The following PCDH9 variants were observed in gnomAD, a reference collection of about 807,000 sequenced individuals.
PCDH9 encodes protocadherin-9.
A neutral mutation model predicts 70.6 loss-of-function variants in PCDH9; 24 were observed. The ratio of observed to expected loss-of-function variants is 0.34; its 90% confidence interval spans 0.25 to 0.48. The LOEUF (loss-of-function observed/expected upper bound fraction) is 0.48. Among genes scored for constraint, PCDH9 ranks in the 20% least tolerant of loss-of-function variants. PCDH9 has a pLI of 0.99. For synonymous variants in PCDH9, 562 were observed against 558.5 expected (o/e 1.01, Z -0.09); for missense variants, 1,281 against 1,503.6 (o/e 0.85, Z 2.45).
chr13:66,585,533 T>C (rs1028940425), intron 4 of PCDH9, among the ~76,000 whole-genome samples: 2 of 152,168 alleles, frequency 1.3e-5, no homozygotes, highest in Non-Finnish European at 2.9e-5. Flanking sequence ...GCTTTAAAAA[T>C]ATTATATCTC....
intron 4 of PCDH9, among the ~76,000 whole-genome samples, chr13:66,529,016 G>A (rs1960328357): frequency 6.6e-6 from 1 of 152,082 alleles, no homozygotes; most frequent in South Asian, 2.1e-4. Context: ...TATGGAGATT[G>A]ATTGCTTCCA....
At chr13:66,981,300 T>C (rs1278407727) in intron 2 of PCDH9, among the ~76,000 whole-genome samples, 1 of 151,648 alleles carries the variant, frequency 6.6e-6, no homozygotes, top group Non-Finnish European at 1.5e-5. Flanking sequence ...TAGCCGGGCG[T>C]GGTGGCAGGA....
At chr13:66,675,568 C>T (rs768177167) in intron 3 of PCDH9, among the ~76,000 whole-genome samples, 1 of 152,044 alleles carries the variant, frequency 6.6e-6, no homozygotes, top group Non-Finnish European at 1.5e-5. Flanking sequence ...ATCTTTCATT[C>T]ATGAATTTTG....
chr13:66,922,146 A>G (rs1229284598), intron 2 of PCDH9, among the ~76,000 whole-genome samples: 2 of 151,430 alleles, frequency 1.3e-5, no homozygotes, highest in South Asian at 2.1e-4. Flanking sequence ...CCTAACTGAA[A>G]CTAGTAGTCA....
chr13:66,855,989 T>A (rs1236595244), intron 3 of PCDH9, among the ~76,000 whole-genome samples: 1 of 151,962 alleles, frequency 6.6e-6, no homozygotes, highest in East Asian at 1.9e-4. Context: ...CATGGTTTAC[T>A]AAGTTTTTTT....
rs529471162 is a variant in PCDH9 at position 66,927,390 on chromosome 13, TGGAGGATAGGAGGA to T, written c.3037-23799_3037-23786del. ...ACACACACTGGGGCCTCTTCGAGGG[TGGAGGATAGGAGGA>T]GGAGGAGGGAGAGGTTCATGAAAAA... On this transcript the variant is annotated intron_variant, in intron 2 of 4. Transcript: ENST00000377865. Among the ~76,000 whole-genome samples the T allele has an allele frequency of 3.3e-5, 5 of 151,442 alleles. No homozygotes were observed. The East Asian group carries it at 9.8e-4, about 30-fold the overall frequency.
At chr13:66,949,184 C>T (rs2083138178) in intron 2 of PCDH9, among the ~76,000 whole-genome samples, 1 of 152,014 alleles carries the variant, frequency 6.6e-6, no homozygotes, top group Non-Finnish European at 1.5e-5. Context: ...AGCATTTATC[C>T]AAAATGGTAT....
chr13:66,756,597 G>C (rs1329157537), intron 3 of PCDH9, among the ~76,000 whole-genome samples: 3 of 152,218 alleles, frequency 2.0e-5, no homozygotes, highest in East Asian at 3.9e-4. Context: ...TGCCATGGGA[G>C]CTGCAAACAG....
intron 4 of PCDH9, among the ~76,000 whole-genome samples, chr13:66,422,612 A>G (rs1957587214): frequency 6.6e-6 from 1 of 152,220 alleles, no homozygotes; most frequent in Non-Finnish European, 1.5e-5. Flanking sequence ...ACCAATGAGA[A>G]CAAAGACACA....
intron 2 of PCDH9, among the ~76,000 whole-genome samples, chr13:67,185,851 G>A (rs2088742540): frequency 6.6e-6 from 1 of 152,094 alleles, no homozygotes; most frequent in African/African-American, 2.4e-5. Flanking sequence ...TCCTGCTTCG[G>A]CCTCCCAAGT....
At chr13:67,033,196 ACTT>A (rs1011922739) in intron 2 of PCDH9, among the ~76,000 whole-genome samples, 90 of 152,272 alleles carry the variant, frequency 5.9e-4, no homozygotes, top group African/African-American at 2.1e-3. Flanking sequence ...ACCAATCAGT[ACTT>A]CTTTTTTTAT....
At chr13:66,386,836 A>T (rs1956937724) in intron 4 of PCDH9, among the ~76,000 whole-genome samples, 1 of 152,124 alleles carries the variant, frequency 6.6e-6, no homozygotes, top group South Asian at 2.1e-4. Flanking sequence ...CCATTATTAC[A>T]TTTTTACTTA....
chr13:66,788,700 G>T (rs1594063001), intron 3 of PCDH9, among the ~76,000 whole-genome samples: 1 of 126,686 alleles, frequency 7.9e-6, no homozygotes. Context: ...GTATCTTAAA[G>T]GCTCAAGGGA....
chr13:66,662,510 C>G (rs1180043028), intron 3 of PCDH9, among the ~76,000 whole-genome samples: 1 of 151,948 alleles, frequency 6.6e-6, no homozygotes, highest in Non-Finnish European at 1.5e-5. Context: ...GATTCAAAAT[C>G]AATAAGGAAA....
At chr13:66,633,305 G>A (rs368838918) in intron 3 of PCDH9, among the ~76,000 whole-genome samples, 3 of 152,208 alleles carry the variant, frequency 2.0e-5, no homozygotes, top group East Asian at 3.9e-4. Flanking sequence ...GTTTTGAAAC[G>A]TGCCTAGGTG....
chr13:66,416,438 T>A (rs1957462634), intron 4 of PCDH9, among the ~76,000 whole-genome samples: 1 of 152,130 alleles, frequency 6.6e-6, no homozygotes, highest in South Asian at 2.1e-4. Flanking sequence ...GACTTCAAGA[T>A]GTAATATTAC....
rs57990200 is a variant in PCDH9, at chr13:66,514,489, C to CAAA, written c.3340+116718_3340+116720dup. ...AGTGAATGGGAAAATGGAGTGAATT[C>CAAA]AAAAAAAAAAAAAAAGAAAGACATG... On this transcript the variant is annotated intron_variant, in intron 4 of 4. Transcript: ENST00000377865. Among the ~76,000 whole-genome samples, 93 of 132,772 alleles carry CAAA rather than the reference C, an allele frequency of 7.0e-4. 1 individual carries two copies. The highest frequency in any genetic ancestry group is 9.9e-4 in the Non-Finnish European group (60 of 60,882). The allele number at this position is 132,772 out of a possible 152,430, so 87.1% of individuals were successfully genotyped here.
At chr13:66,336,652 T>C (rs1372324243) in intron 4 of PCDH9, among the ~76,000 whole-genome samples, 1 of 152,090 alleles carries the variant, frequency 6.6e-6, no homozygotes, top group Non-Finnish European at 1.5e-5. Context: ...GCTATGTGGA[T>C]ATAATTAGGT....
At chr13:66,684,149 T>C (rs2078366687) in intron 3 of PCDH9, among the ~76,000 whole-genome samples, 1 of 152,158 alleles carries the variant, frequency 6.6e-6, no homozygotes, top group African/African-American at 2.4e-5. Flanking sequence ...TCTGGAGTTA[T>C]TATACACTCC....
Sources: allele counts gnomAD v4.1 joint callset (sites outside exome capture counted in the v4.1 genomes callset), GRCh38; gene constraint gnomAD v4.1.1; transcripts MANE v1.5; gene names NCBI Gene and HGNC (gene_info 2026-07-23, HGNC 2026-07-21).